POPDC1: variants seen among roughly 807,000 people sequenced by gnomAD.
POPDC1 encodes popeye domain cAMP effector 1.
At chr6:105,117,600 G>A in the POPDC1 span, among the ~76,000 whole-genome samples, 263 of 152,264 alleles carry the variant, frequency 1.7e-3, 1 homozygote, top group African/African-American at 6.1e-3. Flanking sequence ...CCAGAGTGAG[G>A]GGCCATGCCC....
At chr6:105,096,867 A>G in the POPDC1 span, 1 of 152,668 alleles carries the variant, frequency 6.6e-6, no homozygotes, top group East Asian at 1.9e-4. Context: ...ATATATGAAG[A>G]TATTTTAAAC....
the POPDC1 span, chr6:105,125,251 A>G: frequency 2.1e-6 from 2 of 951,304 alleles, no homozygotes; most frequent in Non-Finnish European, 3.2e-6. Context: ...GTATAGTTGT[A>G]GCAAAAAATT....
the POPDC1 span, among the ~76,000 whole-genome samples, chr6:105,108,222 TG>T: frequency 6.6e-6 from 1 of 151,874 alleles, no homozygotes; most frequent in African/African-American, 2.4e-5. Context: ...GAGGAGAAGG[TG>T]AATGAACCCA....
the POPDC1 span, chr6:105,124,588 C>T: frequency 6.2e-7 from 1 of 1,612,698 alleles, no homozygotes; most frequent in Non-Finnish European, 8.5e-7. Flanking sequence ...GATCTAAATT[C>T]AGGAGAATCT....
chr6:105,126,160 A>G, the POPDC1 span, among the ~76,000 whole-genome samples: 4 of 151,924 alleles, frequency 2.6e-5, no homozygotes, highest in Non-Finnish European at 1.5e-5. Context: ...CGGGAGGTGG[A>G]GGTTGCAGTG....
chr6:105,135,728 GAT>G, the POPDC1 span, among the ~76,000 whole-genome samples: 5 of 151,088 alleles, frequency 3.3e-5, no homozygotes, highest in Non-Finnish European at 4.4e-5. Flanking sequence ...GAGAGAGAGA[GAT>G]ATATATAGAT....
chr6:105,113,781 T>C, the POPDC1 span, among the ~76,000 whole-genome samples: 1 of 149,792 alleles, frequency 6.7e-6, no homozygotes, highest in African/African-American at 2.5e-5. Context: ...GCCTATTGAG[T>C]AGCTAGAACT....
chr6:105,118,363 A>C, the POPDC1 span, among the ~76,000 whole-genome samples: 23 of 152,348 alleles, frequency 1.5e-4, no homozygotes, highest in East Asian at 2.7e-3. Flanking sequence ...TAGGAAAAAA[A>C]GCTTGTGTTT....
chr6:105,120,352 T>C, the POPDC1 span, among the ~76,000 whole-genome samples: 9 of 152,300 alleles, frequency 5.9e-5, no homozygotes, highest in South Asian at 2.1e-4. Context: ...GAGGTCATTT[T>C]ACTTGATTCC....
the POPDC1 span, among the ~76,000 whole-genome samples, chr6:105,103,328 G>A: frequency 6.6e-6 from 1 of 152,268 alleles, no homozygotes; most frequent in African/African-American, 2.4e-5. Flanking sequence ...GTCTTTGGAA[G>A]GCTATGGACT....
the POPDC1 span, among the ~76,000 whole-genome samples, chr6:105,122,208 A>G: frequency 6.6e-6 from 1 of 152,232 alleles, no homozygotes; most frequent in Non-Finnish European, 1.5e-5. Flanking sequence ...TATACAGGAC[A>G]CAGGCTTCAT....
chr6:105,102,586 C>G, the POPDC1 span, among the ~76,000 whole-genome samples: 1 of 152,224 alleles, frequency 6.6e-6, no homozygotes, highest in Non-Finnish European at 1.5e-5. Flanking sequence ...AATCCCTACT[C>G]TGCAACCTGC....
chr6:105,135,211 G>C, the POPDC1 span, among the ~76,000 whole-genome samples: 1 of 152,180 alleles, frequency 6.6e-6, no homozygotes, highest in African/African-American at 2.4e-5. Flanking sequence ...TGTAGAGAAG[G>C]CCACTGAGAC....
the POPDC1 span, among the ~76,000 whole-genome samples, chr6:105,130,926 G>A: frequency 6.6e-6 from 1 of 152,118 alleles, no homozygotes; most frequent in African/African-American, 2.4e-5. Flanking sequence ...TTACTGGTGA[G>A]CCTGCATATT....
At chr6:105,119,658 C>T in the POPDC1 span, among the ~76,000 whole-genome samples, 4 of 152,098 alleles carry the variant, frequency 2.6e-5, no homozygotes, top group African/African-American at 9.7e-5. Context: ...AAAGATGTCA[C>T]CCAGGACTCT....
chr6:105,122,964 C>T, the POPDC1 span, among the ~76,000 whole-genome samples: 1 of 152,210 alleles, frequency 6.6e-6, no homozygotes, highest in South Asian at 2.1e-4. Context: ...ATTACTCAGG[C>T]CAGTTATTCA....
chr6:105,119,277 C>T, the POPDC1 span, among the ~76,000 whole-genome samples: 5 of 151,258 alleles, frequency 3.3e-5, no homozygotes, highest in African/African-American at 7.3e-5. Flanking sequence ...CTACCCAATA[C>T]ACCCAATACT....
the POPDC1 span, among the ~76,000 whole-genome samples, chr6:105,132,433 G>A: frequency 0.021 from 3,190 of 152,252 alleles, 38 homozygotes; most frequent in Non-Finnish European, 0.03. Flanking sequence ...ACCCTGCTCT[G>A]CCTTCCTACT....
At chr6:105,105,686 C>T in the POPDC1 span, among the ~76,000 whole-genome samples, 4 of 152,196 alleles carry the variant, frequency 2.6e-5, no homozygotes, top group African/African-American at 9.7e-5. Flanking sequence ...AATGCTCTTG[C>T]ATTTCACAAG....
Sources: gnomAD v4.1 joint callset for allele counts (sites outside exome capture counted in the v4.1 genomes callset) on GRCh38, gnomAD v4.1.1 for gene constraint, MANE v1.5 for transcripts, NCBI Gene and HGNC (gene_info 2026-07-23, HGNC 2026-07-21) for gene names.